CACNA1D: variants seen among roughly 807,000 people sequenced by gnomAD.
CACNA1D encodes the protein calcium voltage-gated channel subunit alpha1 D, also known as voltage-dependent L-type calcium channel subunit alpha-1D.
Under a neutral mutation model 257.1 loss-of-function variants are expected in CACNA1D, and 55 were observed. That is an observed-to-expected ratio of 0.21 (90% CI 0.17 to 0.27). The LOEUF (loss-of-function observed/expected upper bound fraction) is 0.27. Among genes scored for constraint, CACNA1D ranks in the 10% least tolerant of loss-of-function variants. CACNA1D has a pLI of 1.00. For synonymous variants in CACNA1D, 980 were observed against 1,014.9 expected, an observed-to-expected ratio of 0.97 and a Z score of 0.65; for missense variants, 1,876 against 2,784.0, an observed-to-expected ratio of 0.67 and a Z score of 7.34.
chr3:53,644,897 G>A (rs1022306235), intron 3 of CACNA1D, among the ~76,000 whole-genome samples: 1 of 152,150 alleles, frequency 6.6e-6, no homozygotes, highest in Non-Finnish European at 1.5e-5. Flanking sequence ...AGGACCCTCT[G>A]TAACTGTTTT....
intron 3 of CACNA1D, among the ~76,000 whole-genome samples, chr3:53,598,256 T>A (rs1041705398): frequency 6.6e-6 from 1 of 152,092 alleles, no homozygotes; most frequent in Non-Finnish European, 1.5e-5. Flanking sequence ...TTTTGGGTTG[T>A]GTTCTATTGA....
intron 7 of CACNA1D, among the ~76,000 whole-genome samples, chr3:53,672,470 G>A (rs78357308): frequency 0.074 from 11,237 of 152,216 alleles, 1,350 homozygotes; most frequent in African/African-American, 0.25. Flanking sequence ...TTGGTTTCCA[G>A]TAGAAGATTA....
chr3:53,805,896 C>T (rs1418595190), intron 45 of CACNA1D, among the ~76,000 whole-genome samples: 7 of 127,104 alleles, frequency 5.5e-5, no homozygotes, highest in Non-Finnish European at 1.0e-4. Flanking sequence ...CGCATCTTCT[C>T]CTCCTCCCTC....
At chr3:53,704,237 T>C (rs1343237252) in intron 9 of CACNA1D, among the ~76,000 whole-genome samples, 2 of 151,994 alleles carry the variant, frequency 1.3e-5, no homozygotes, top group Non-Finnish European at 2.9e-5. Flanking sequence ...CTTACCTTTC[T>C]TCAAGCCTGG....
intron 3 of CACNA1D, among the ~76,000 whole-genome samples, chr3:53,543,099 A>C (rs533176501): frequency 1.3e-5 from 2 of 150,804 alleles, no homozygotes; most frequent in Non-Finnish European, 3.0e-5. Context: ...ATTAAAAAAA[A>C]AAAAAAGAAC....
At chr3:53,791,197 C>T (rs1247979741) in intron 40 of CACNA1D, 2 of 581,898 alleles carry the variant, frequency 3.4e-6, no homozygotes, top group Non-Finnish European at 6.1e-6. Context: ...GGAAGCGGGG[C>T]CGTGGCTCAT....
At position 53,780,109 on chromosome 3, in the gene CACNA1D, T is replaced by C. The variant is rs368264655; in HGVS notation, c.4671T>C (p.Ala1557=). 2.4e-4 allele frequency: 382 copies of C among 1,613,636 alleles called. No individual in the cohort carries two copies. The highest frequency in any genetic ancestry group is 3.2e-4 in the Non-Finnish European group (375 of 1,179,512). The change falls in exon 38 of 48, where the codon GCT becomes GCC. Residue 1557 remains alanine, a synonymous_variant. Coordinates refer to ENST00000350061, the MANE Select transcript of CACNA1D (RefSeq NM_001128840.3). ...CCCTGTTTGCTTTGGTTCGAACGGC[T>C]CTTAAGATCAAGACCGAAGGTGAGC... ...NATLFALVRT[A]LKIKTEGNLE...
At chr3:53,522,245 A>G (rs931692449) in intron 3 of CACNA1D, among the ~76,000 whole-genome samples, 1 of 152,136 alleles carries the variant, frequency 6.6e-6, no homozygotes, top group Admixed American at 6.5e-5. Context: ...CACTGGCTAT[A>G]CCCACTGGCA....
In CACNA1D at chr3:53,722,329, C is replaced by A. The variant is rs2094891001; in HGVS notation, c.1521C>A (p.Arg507=). The change falls in exon 12 of 48, where the codon CGC becomes CGA. Residue 507 remains arginine, a synonymous_variant. Coordinates refer to ENST00000350061, the MANE Select transcript of CACNA1D (RefSeq NM_001128840.3). ...SKSKLSRRWR[R]WNRFNRRRCR... ...TGTCTTTTAGCCGACGCTGGCGTCG[C>A]TGGAACCGATTCAATCGCAGAAGAT... 6.2e-7 allele frequency: 1 copy of A among 1,614,096 alleles called. No individual in the cohort carries two copies. Among genetic ancestry groups the A allele is most frequent in the Admixed American group, 1.7e-5 (1 of 60,008 alleles).
intron 1 of CACNA1D, among the ~76,000 whole-genome samples, chr3:53,496,346 C>G (rs2090344928): frequency 1.3e-5 from 2 of 152,208 alleles, no homozygotes; most frequent in South Asian, 4.1e-4. Context: ...GGAGATAATT[C>G]CCTCTTAGGC....
At chr3:53,739,631 C>G (rs896421780) in intron 20 of CACNA1D, among the ~76,000 whole-genome samples, 2 of 152,112 alleles carry the variant, frequency 1.3e-5, no homozygotes, top group African/African-American at 4.8e-5. Flanking sequence ...AAAAAAAACC[C>G]TGAGTTTAGA....
chr3:53,681,702 G>A (rs2094431629), intron 8 of CACNA1D, among the ~76,000 whole-genome samples: 1 of 152,190 alleles, frequency 6.6e-6, no homozygotes. Flanking sequence ...AATGATGGAG[G>A]CCAAAATGAC....
intron 44 of CACNA1D, among the ~76,000 whole-genome samples, chr3:53,804,155 C>T (rs939119264): frequency 6.6e-6 from 1 of 152,206 alleles, no homozygotes; most frequent in Non-Finnish European, 1.5e-5. Context: ...GGATGAAAAT[C>T]GCCCTCCACC....
chr3:53,524,894 G>A (rs1216419916), intron 3 of CACNA1D, among the ~76,000 whole-genome samples: 4 of 152,142 alleles, frequency 2.6e-5, no homozygotes, highest in African/African-American at 7.2e-5. Context: ...CAAATCTTCT[G>A]AGAAGCAATG....
chr3:53,700,281 T>G (rs1431553779), intron 8 of CACNA1D, among the ~76,000 whole-genome samples: 1 of 152,006 alleles, frequency 6.6e-6, no homozygotes, highest in African/African-American at 2.4e-5. Flanking sequence ...CTGAATTTAG[T>G]ATTCTAAGTT....
chr3:53,761,466 T>C (rs2095301682), intron 29 of CACNA1D, among the ~76,000 whole-genome samples: 1 of 152,220 alleles, frequency 6.6e-6, no homozygotes, highest in African/African-American at 2.4e-5. Context: ...CAGGGACTTG[T>C]CTCAGTCATC....
chr3:53,556,519 G>A (rs923290064), intron 3 of CACNA1D, among the ~76,000 whole-genome samples: 10 of 151,908 alleles, frequency 6.6e-5, no homozygotes, highest in African/African-American at 1.2e-4. Flanking sequence ...TATTTCATGC[G>A]CTTATTTGCC....
chr3:53,676,132 C>T (rs2094374146), intron 8 of CACNA1D, among the ~76,000 whole-genome samples: 1 of 152,176 alleles, frequency 6.6e-6, no homozygotes, highest in African/African-American at 2.4e-5. Flanking sequence ...TGGGGTAGCC[C>T]ATTTTGAAGC....
chr3:53,609,322 A>G (rs2093553478), intron 3 of CACNA1D, among the ~76,000 whole-genome samples: 1 of 149,202 alleles, frequency 6.7e-6, no homozygotes, highest in Non-Finnish European at 1.5e-5. Flanking sequence ...AGGCAGAAGA[A>G]TGGCGTGATC....
Sources: gnomAD v4.1 joint callset for allele counts (sites outside exome capture counted in the v4.1 genomes callset) on GRCh38, gnomAD v4.1.1 for gene constraint, MANE v1.5 for transcripts, NCBI Gene and HGNC (gene_info 2026-07-23, HGNC 2026-07-21) for gene names.